Variants in SAMD5 observed in about 807,000 individuals in gnomAD.
SAMD5 encodes the protein sterile alpha motif domain-containing protein 5.
A neutral mutation model predicts 11.3 loss-of-function variants in SAMD5; 13 were observed. The observed-to-expected ratio is 1.15, with a 90% CI of 0.75 to 1.83. The LOEUF (loss-of-function observed/expected upper bound fraction) is 1.83, where lower values mean the gene tolerates loss of function less well. Among genes scored for constraint, SAMD5 ranks in the 40% most tolerant of loss-of-function variants. SAMD5 has a pLI of 0.00. For missense variants in SAMD5, 255 were observed against 239.1 expected, an observed-to-expected ratio of 1.07 and a Z score of -0.44; for synonymous variants, 129 against 111.3, an observed-to-expected ratio of 1.16 and a Z score of -1.00.
chr6:147,926,120 C>T, the SAMD5 span, among the ~76,000 whole-genome samples: 1 of 152,162 alleles, frequency 6.6e-6, no homozygotes, highest in Non-Finnish European at 1.5e-5. Flanking sequence ...CATGTTTTTG[C>T]TATTGTGAAT....
intron 1 of SAMD5, chr6:147,676,025 G>T (rs185871844): frequency 1.3e-5 from 2 of 152,114 alleles, no homozygotes; most frequent in African/African-American, 4.8e-5. Flanking sequence ...TGGTGAAAGC[G>T]TGGAGTAAGT....
At chr6:147,808,976 AACAG>A in the SAMD5 span, among the ~76,000 whole-genome samples, 105 of 152,348 alleles carry the variant, frequency 6.9e-4, no homozygotes, top group African/African-American at 2.3e-3. Flanking sequence ...TATATTTATA[AACAG>A]ACAGAAGCGA....
chr6:147,823,534 A>C, the SAMD5 span, among the ~76,000 whole-genome samples: 1 of 152,358 alleles, frequency 6.6e-6, no homozygotes, highest in African/African-American at 2.4e-5. Flanking sequence ...CCTACCTTTT[A>C]GAAGATAATT....
chr6:147,795,041 A>G, the SAMD5 span, among the ~76,000 whole-genome samples: 1 of 149,470 alleles, frequency 6.7e-6, no homozygotes, highest in Non-Finnish European at 1.5e-5. Context: ...ATGAATGAAT[A>G]CATACTATGG....
chr6:147,601,502 G>A (rs702355), intron 1 of SAMD5, among the ~76,000 whole-genome samples: 13,104 of 149,360 alleles, frequency 0.088, 899 homozygotes, highest in African/African-American at 0.21. Flanking sequence ...AATTGTACAC[G>A]TCAGTTTAAT....
At chr6:147,688,411 T>C (rs1363371701) in intron 1 of SAMD5, among the ~76,000 whole-genome samples, 1 of 152,216 alleles carries the variant, frequency 6.6e-6, no homozygotes, top group Non-Finnish European at 1.5e-5. Flanking sequence ...TTATCCAAAA[T>C]AGGCATACTT....
chr6:147,855,460 C>G, the SAMD5 span, among the ~76,000 whole-genome samples: 3 of 152,154 alleles, frequency 2.0e-5, no homozygotes, highest in Non-Finnish European at 4.4e-5. Flanking sequence ...CAACACTACA[C>G]TTTCATGCAA....
the SAMD5 span, among the ~76,000 whole-genome samples, chr6:147,901,532 G>A: frequency 2.0e-5 from 3 of 152,014 alleles, no homozygotes; most frequent in Non-Finnish European, 4.4e-5. Flanking sequence ...TTTCCATGCT[G>A]GATTAAATAA....
At chr6:147,610,175 A>T (rs992763645) in intron 1 of SAMD5, among the ~76,000 whole-genome samples, 1 of 152,192 alleles carries the variant, frequency 6.6e-6, no homozygotes, top group Non-Finnish European at 1.5e-5. Context: ...TTCCATTTAC[A>T]TTTATATGTG....
chr6:147,727,005 G>A (rs571934234), intron 1 of SAMD5, among the ~76,000 whole-genome samples: 4 of 152,198 alleles, frequency 2.6e-5, no homozygotes, highest in African/African-American at 9.6e-5. Flanking sequence ...CTAAAAACTA[G>A]CATTTCTAAA....
the SAMD5 span, among the ~76,000 whole-genome samples, chr6:147,863,838 C>CTT: frequency 6.4e-3 from 578 of 90,856 alleles, 4 homozygotes; most frequent in African/African-American, 7.3e-3. Flanking sequence ...TTTCTTTCCA[C>CTT]TTTTTTTTTT....
At chr6:147,555,084 C>G (rs1788833705) in intron 1 of SAMD5, among the ~76,000 whole-genome samples, 2 of 152,130 alleles carry the variant, frequency 1.3e-5, no homozygotes, top group African/African-American at 2.4e-5. Context: ...CCAAAAGAAG[C>G]AATTTTTCCT....
At chr6:147,552,683 G>C (rs768954346) in intron 1 of SAMD5, among the ~76,000 whole-genome samples, 17 of 152,196 alleles carry the variant, frequency 1.1e-4, no homozygotes, top group Non-Finnish European at 1.8e-4. Flanking sequence ...AGGTGACTCT[G>C]TGTGTGTGTT....
At chr6:147,815,372 A>T in the SAMD5 span, among the ~76,000 whole-genome samples, 1 of 152,236 alleles carries the variant, frequency 6.6e-6, no homozygotes, top group Non-Finnish European at 1.5e-5. Flanking sequence ...TAACCCTTTA[A>T]AGACTCTGTT....
intron 1 of SAMD5, among the ~76,000 whole-genome samples, chr6:147,581,278 C>A (rs1789293372): frequency 6.6e-6 from 1 of 152,064 alleles, no homozygotes; most frequent in African/African-American, 2.4e-5. Flanking sequence ...ATAATGGGCT[C>A]CCTTTTGGGC....
At chr6:147,862,115 T>C in the SAMD5 span, among the ~76,000 whole-genome samples, 1 of 152,178 alleles carries the variant, frequency 6.6e-6, no homozygotes, top group Non-Finnish European at 1.5e-5. Context: ...CCATACGCGA[T>C]TGACAAATCA....
At chr6:147,637,597 G>C (rs1335192114) in intron 1 of SAMD5, among the ~76,000 whole-genome samples, 1 of 152,202 alleles carries the variant, frequency 6.6e-6, no homozygotes, top group African/African-American at 2.4e-5. Context: ...TGCAGTCTAA[G>C]TGGTAAGACA....
intron 1 of SAMD5, among the ~76,000 whole-genome samples, chr6:147,614,515 A>C (rs940554732): frequency 6.6e-6 from 1 of 151,916 alleles, no homozygotes; most frequent in Non-Finnish European, 1.5e-5. Context: ...TGATTGATAC[A>C]TGCAACAACG....
chr6:147,714,761 T>G (rs2128458747), intron 1 of SAMD5, among the ~76,000 whole-genome samples: 1 of 152,304 alleles, frequency 6.6e-6, no homozygotes, highest in Middle Eastern at 3.4e-3. Flanking sequence ...CTGGACTCTA[T>G]TCTTGGACAC....
Sources: allele counts gnomAD v4.1 joint callset (sites outside exome capture counted in the v4.1 genomes callset), GRCh38; gene constraint gnomAD v4.1.1; transcripts MANE v1.5; gene names NCBI Gene and HGNC (gene_info 2026-07-23, HGNC 2026-07-21).